Variants in SYNGR1 observed in about 807,000 individuals in gnomAD.
The protein encoded by SYNGR1 is synaptogyrin-1.
A neutral mutation model predicts 26.1 loss-of-function variants in SYNGR1; 14 were observed. The ratio of observed to expected loss-of-function variants is 0.54; its 90% CI spans 0.35 to 0.84. The LOEUF (loss-of-function observed/expected upper bound fraction) is 0.84, where lower values mean the gene tolerates loss of function less well. SYNGR1 is among the 40% of genes least tolerant of loss of function. The probability of loss-of-function intolerance (pLI) is 0.01; values close to 1 mark genes in which losing one functional copy is unlikely to be tolerated. For synonymous variants in SYNGR1, 141 were observed against 150.1 expected (o/e 0.94, Z 0.44); for missense variants, 319 against 332.9 (o/e 0.96, Z 0.33).
intron 1 of SYNGR1, among the ~76,000 whole-genome samples, chr22:39,362,792 A>G (rs2145615220): frequency 6.6e-6 from 1 of 152,028 alleles, no homozygotes; most frequent in African/African-American, 2.4e-5. Flanking sequence ...CCAGCCAAGG[A>G]CGCTCAGGAG....
chr22:39,372,342 A>G (rs1032254099), intron 1 of SYNGR1, among the ~76,000 whole-genome samples: 1 of 150,624 alleles, frequency 6.6e-6, no homozygotes, highest in African/African-American at 2.4e-5. Flanking sequence ...CATGTTAACC[A>G]GGATGGTCTT....
At position 39,378,127 on chromosome 22, in the gene SYNGR1, G is replaced by A. The variant is rs370778968; in HGVS notation, c.483+1930G>A. On this transcript the variant is annotated intron_variant, in intron 3 of 3. Coordinates refer to ENST00000328933, the MANE Select transcript of SYNGR1 (RefSeq NM_004711.5). ...GAGCAATAGCCTCTCCCTTCACAGC[G>A]GTGTGAAGAGTGACCTCACTGTCCT... 97 of 1,158,410 alleles carry A rather than the reference G, an allele frequency of 8.4e-5. No homozygotes were observed. In the African/African-American group the frequency reaches 1.3e-3, roughly 16 times the overall value. The allele number at this position is 1,158,410 out of a possible 1,614,324, so 71.8% of individuals were successfully genotyped here.
Position 39,350,189 on chromosome 22 carries a change from CGA to C in SYNGR1, c.99+81_99+82del. 1.0e-6 allele frequency: 1 copy of C among 985,848 alleles called. No homozygotes were observed. 61.1% of individuals were successfully genotyped at this position (985,848 alleles called of 1,614,324 possible). The stretch of plus-strand genomic sequence containing the variant: ...AAAGGCGGCGCGCCCGGACCGACCC[CGA>C]CCCCGACCCCAACGGGCCCCCGGCG... On this transcript the variant is annotated intron_variant, in intron 1 of 3. Coordinates refer to ENST00000328933, the MANE Select transcript of SYNGR1 (RefSeq NM_004711.5). This position sits in a 1 kb window ranked among gnomAD's most constrained non-coding sequence, Gnocchi z 4.3.
At chr22:39,380,532 G>A (rs1044748463) in intron 3 of SYNGR1, among the ~76,000 whole-genome samples, 2 of 151,714 alleles carry the variant, frequency 1.3e-5, no homozygotes, top group African/African-American at 4.8e-5. Context: ...TGGGACTACA[G>A]GCCAGTACCA....
At chr22:39,377,673 G>A in intron 3 of SYNGR1, 2 of 1,613,826 alleles carry the variant, frequency 1.2e-6, no homozygotes, top group East Asian at 2.2e-5. Flanking sequence ...ACTGTTCCCT[G>A]CCTCGGCACA....
chr22:39,364,787 G>A (rs1784957168), intron 1 of SYNGR1, among the ~76,000 whole-genome samples: 1 of 152,170 alleles, frequency 6.6e-6, no homozygotes, highest in Non-Finnish European at 1.5e-5. Flanking sequence ...AGGGCTTGGT[G>A]CTTCTGGGGT....
chr22:39,356,569 C>A (rs927874837), intron 1 of SYNGR1, among the ~76,000 whole-genome samples: 1 of 151,966 alleles, frequency 6.6e-6, no homozygotes, highest in African/African-American at 2.4e-5. Flanking sequence ...GGAGAAAAAA[C>A]AGAGGCTGGG....
intron 1 of SYNGR1, among the ~76,000 whole-genome samples, chr22:39,351,186 G>A (rs551162533): frequency 3.7e-4 from 57 of 152,294 alleles, no homozygotes; most frequent in African/African-American, 1.4e-3. Context: ...CCTGGGGCCC[G>A]TTCCTTGTGG....
chr22:39,362,037 G>A (rs1194825838), intron 1 of SYNGR1, among the ~76,000 whole-genome samples: 1 of 140,818 alleles, frequency 7.1e-6, no homozygotes, highest in Admixed American at 7.2e-5. Flanking sequence ...TTGTAGAGAC[G>A]AGGCCTCACT....
At chr22:39,352,016 G>T (rs1923927838) in intron 1 of SYNGR1, among the ~76,000 whole-genome samples, 1 of 152,220 alleles carries the variant, frequency 6.6e-6, no homozygotes, top group Admixed American at 6.5e-5. Flanking sequence ...TACCTAGCTG[G>T]TTCCCCAACA....
At chr22:39,362,278 G>A (rs1365489003) in intron 1 of SYNGR1, among the ~76,000 whole-genome samples, 1 of 152,142 alleles carries the variant, frequency 6.6e-6, no homozygotes, top group African/African-American at 2.4e-5. Flanking sequence ...ACCTTGGGGA[G>A]GCAGGGGTCT....
intron 1 of SYNGR1, among the ~76,000 whole-genome samples, chr22:39,355,216 C>T (rs927534738): frequency 6.6e-6 from 1 of 151,914 alleles, no homozygotes; most frequent in South Asian, 2.1e-4. Flanking sequence ...GCTGGACTTC[C>T]TCTGAGGGCA....
At position 39,353,300 on chromosome 22, in the gene SYNGR1, C is replaced by T. The variant is rs550117386; in HGVS notation, c.99+3191C>T. Among the ~76,000 whole-genome samples, 22 of 152,316 alleles carry T rather than the reference C, an allele frequency of 1.4e-4. No homozygotes were observed. The East Asian group carries it at 4.0e-3, about 28-fold the overall frequency. On this transcript the variant is annotated intron_variant, in intron 1 of 3. Coordinates refer to ENST00000328933, the MANE Select transcript of SYNGR1 (RefSeq NM_004711.5). ...CCTGGAACCCAAGCCCTCTGAGCCCCTGGGTCAGCCTGCACAGAAGCAGGG... is the reference window on the plus strand; with the variant it reads ...CCTGGAACCCAAGCCCTCTGAGCCCTTGGGTCAGCCTGCACAGAAGCAGGG...
At chr22:39,361,421 C>T (rs569204480) in intron 1 of SYNGR1, among the ~76,000 whole-genome samples, 31 of 147,276 alleles carry the variant, frequency 2.1e-4, no homozygotes, top group African/African-American at 6.9e-4. Context: ...TACAGTAGCA[C>T]GATCCCAACT....
At chr22:39,376,456 A>G (rs1925289005) in intron 3 of SYNGR1, among the ~76,000 whole-genome samples, 1 of 81,632 alleles carries the variant, frequency 1.2e-5, no homozygotes, top group Admixed American at 1.4e-4. Context: ...CCTGGGGGTC[A>G]CGGACCACCC....
rs1334916661 is a variant in SYNGR1, at chr22:39,374,496, C to A, written c.280C>A (p.Gln94Lys). Reference sequence around the variant, plus strand: ...CCTGGCCCTGGACGTGTACTTCCCGCAGATCAGCAGCGTCAAGGACCGCAA... The same window carrying A: ...CCTGGCCCTGGACGTGTACTTCCCGAAGATCAGCAGCGTCAAGGACCGCAA... ...LYLALDVYFP[Q>K]ISSVKDRKKA... Residue 94 changes from glutamine (Q) to lysine (K), a missense_variant, in exon 2 of 4, where the codon CAG becomes AAG. Coordinates refer to ENST00000328933, the MANE Select transcript of SYNGR1 (RefSeq NM_004711.5). The A allele has an allele frequency of 6.2e-7, 1 of 1,613,706 alleles. No individual in the cohort carries two copies. Among genetic ancestry groups the A allele is most frequent in the African/African-American group, 1.3e-5 (1 of 74,936 alleles).
rs558348383 is a variant in SYNGR1, at chr22:39,359,501, G to T, written c.99+9392G>T. Among the ~76,000 whole-genome samples the T allele has an allele frequency of 2.1e-3, 325 of 151,804 alleles. 2 individuals carry two copies. Among genetic ancestry groups the T allele is most frequent in the African/African-American group, 7.6e-3 (314 of 41,420 alleles). ...AAAAAATTAGCCGGGTGTGGTGGCGGGGGCCTGTAGTCCCAGCTACCCGGG... is the reference window on the plus strand; with the variant it reads ...AAAAAATTAGCCGGGTGTGGTGGCGTGGGCCTGTAGTCCCAGCTACCCGGG... On this transcript the variant is annotated intron_variant, in intron 1 of 3. Coordinates refer to ENST00000328933, the MANE Select transcript of SYNGR1 (RefSeq NM_004711.5).
intron 1 of SYNGR1, chr22:39,364,433 G>T: frequency 7.0e-7 from 1 of 1,424,708 alleles, no homozygotes; most frequent in South Asian, 1.2e-5. Flanking sequence ...TAAAATAGAT[G>T]ATTTAGGTGC....
intron 3 of SYNGR1, 151 bp downstream of exon 3, chr22:39,376,348 C>A: frequency 7.5e-7 from 1 of 1,332,174 alleles, no homozygotes; most frequent in Non-Finnish European, 1.1e-6. Flanking sequence ...CTGCGGCGCT[C>A]ACAGTGGTGC....
Sources: allele counts gnomAD v4.1 joint callset (sites outside exome capture counted in the v4.1 genomes callset), GRCh38; gene constraint gnomAD v4.1.1; non-coding constraint Gnocchi (gnomAD v3.1); transcripts MANE v1.5; gene names NCBI Gene and HGNC (gene_info 2026-07-23, HGNC 2026-07-21).